ARSK: variants seen among roughly 807,000 people sequenced by gnomAD.
ARSK encodes the protein arylsulfatase K.
A neutral mutation model predicts 53.2 loss-of-function variants in ARSK; 37 were observed. The observed-to-expected ratio is 0.70, with a 90% CI of 0.54 to 0.92. The LOEUF (loss-of-function observed/expected upper bound fraction) is 0.92. Among genes scored for constraint, ARSK ranks in the 40% least tolerant of loss-of-function variants. ARSK has a pLI of 0.00. For missense variants in ARSK, 613 were observed against 643.0 expected (o/e 0.95, Z 0.51); for synonymous variants, 208 against 223.2 (o/e 0.93, Z 0.61).
Position 95,603,233 on chromosome 5 carries a change from TCAGATC to T in ARSK, c.1322-3_1324del. 6.5e-7 allele frequency: 1 copy of T among 1,545,794 alleles called. No homozygotes were observed. The highest frequency in any genetic ancestry group is 1.4e-5 in the African/African-American group (1 of 72,234). On this transcript the variant is annotated splice_acceptor_variant and splice_polypyrimidine_tract_variant and coding_sequence_variant and intron_variant, in exon 8 of 8. Coordinates refer to ENST00000380009, the MANE Select transcript of ARSK (RefSeq NM_198150.3). LOFTEE classifies it high-confidence loss of function. ...TTGACAGATACTTATTTTTTTTCTT[TCAGATC>T]TTTCCTCGGATCCAGATGAATTAAC...
intron 6 of ARSK, among the ~76,000 whole-genome samples, chr5:95,596,107 C>T (rs1749303640): frequency 6.6e-6 from 1 of 152,140 alleles, no homozygotes; most frequent in South Asian, 2.1e-4. Flanking sequence ...TGATGGTCTA[C>T]GTTTAATCTG....
chr5:95,570,504 C>A (rs1748808328), intron 3 of ARSK, among the ~76,000 whole-genome samples: 1 of 152,172 alleles, frequency 6.6e-6, no homozygotes, highest in Non-Finnish European at 1.5e-5. Context: ...TAACCTTGGG[C>A]AAGTTACTTG....
In ARSK at chr5:95,587,743, C is replaced by T. The variant is rs1749145883; in HGVS notation, c.871+1010C>T. On this transcript the variant is annotated intron_variant, in intron 5 of 7. Transcript: ENST00000380009. ...CCAACATGGCGAAACCCTGTCTCTA[C>T]TAAAATACAAAATTTAGCCGGGTGT... Among the ~76,000 whole-genome samples the T allele has an allele frequency of 2.0e-5, 3 of 152,116 alleles. No individual in the cohort carries two copies. In the South Asian group the frequency reaches 6.2e-4, roughly 32 times the overall value.
At position 95,586,625 on chromosome 5, in the gene ARSK, T is replaced by C; in HGVS notation, c.763T>C (p.Tyr255His). The change falls in exon 5 of 8, where the codon TAT (tyrosine) becomes CAT (histidine). Residue 255 changes from tyrosine (Y) to histidine (H), a missense_variant. Tyr to His is a moderately conservative substitution (Grantham distance 83). Coordinates refer to ENST00000380009, the MANE Select transcript of ARSK (RefSeq NM_198150.3). The stretch of plus-strand genomic sequence containing the variant: ...TTTGTCAGAAATGCACCCTGTAGAT[T>C]ATTACTCTTCTTATACAAAAAACTG... ...SPLSEMHPVD[Y>H]YSSYTKNCTG... 1.2e-6 allele frequency: 2 copies of C among 1,612,438 alleles called. No homozygotes were observed. Among genetic ancestry groups the C allele is most frequent in the Non-Finnish European group, 1.7e-6 (2 of 1,179,124 alleles).
intron 2 of ARSK, among the ~76,000 whole-genome samples, chr5:95,567,607 C>A (rs1170778953): frequency 2.0e-5 from 3 of 152,152 alleles, no homozygotes; most frequent in African/African-American, 7.2e-5. Flanking sequence ...GGCCTCTAGT[C>A]ACACATGCTT....
rs533404627 is a variant in ARSK at position 95,589,691 on chromosome 5, G to A, written c.872-1710G>A. Among the ~76,000 whole-genome samples, 579 of 152,308 alleles carry A rather than the reference G, an allele frequency of 3.8e-3. 2 individuals are homozygous for A. Among genetic ancestry groups the A allele is most frequent in the Non-Finnish European group, 4.1e-3 (277 of 68,020 alleles). ...TCCAGTCTATTGTTGGTGGGCATTTGTGTTGATTCCATGTCTTTGCTATTG... is the reference window on the plus strand; with the variant it reads ...TCCAGTCTATTGTTGGTGGGCATTTATGTTGATTCCATGTCTTTGCTATTG... On this transcript the variant is annotated intron_variant, in intron 5 of 7. Transcript: ENST00000380009.
In ARSK at chr5:95,604,306, A is replaced by G. The variant is rs1749463659; in HGVS notation, c.*780A>G. On this transcript the variant is annotated 3_prime_UTR_variant, in exon 8 of 8. Transcript: ENST00000380009. ...ACTGTTTTATTTTAATAGGTAATATATATACAGGGTAAAAGCTTCAAATGG... is the reference window on the plus strand; with the variant it reads ...ACTGTTTTATTTTAATAGGTAATATGTATACAGGGTAAAAGCTTCAAATGG... 6.6e-6 allele frequency: 1 copy of G among 152,182 alleles called. No homozygotes were observed. The highest frequency in any genetic ancestry group is 1.5e-5 in the Non-Finnish European group (1 of 68,032). 9.4% of individuals were successfully genotyped at this position (152,182 alleles called of 1,614,324 possible).
At position 95,555,413 on chromosome 5, in the gene ARSK, C is replaced by T; in HGVS notation, c.126+9C>T. On this transcript the variant is annotated intron_variant, in intron 1 of 7. Coordinates refer to ENST00000380009, the MANE Select transcript of ARSK (RefSeq NM_198150.3). The surrounding 1 kb of genome is among the most constrained non-coding windows in gnomAD (Gnocchi z 4.0). ...TCGTGAGCGACTCCTTCGTAAGTAC[C>T]GCGAGGCAGGGGAGGGGCGCCCCGC... 6.3e-7 allele frequency: 1 copy of T among 1,597,074 alleles called. No individual in the cohort carries two copies.
At chr5:95,588,675 CATT>C (rs1305089907) in intron 5 of ARSK, among the ~76,000 whole-genome samples, 1 of 151,458 alleles carries the variant, frequency 6.6e-6, no homozygotes, top group South Asian at 2.1e-4. Context: ...AGAAATCACT[CATT>C]AATTAAAGAC....
chr5:95,580,031 A>C (rs529190885), intron 3 of ARSK, among the ~76,000 whole-genome samples: 3 of 152,188 alleles, frequency 2.0e-5, no homozygotes, highest in Non-Finnish European at 4.4e-5. Flanking sequence ...CCTGTACTAC[A>C]CTTTGAGAGA....
chr5:95,568,013 G>A lies in ARSK; in HGVS notation c.380G>A (p.Gly127Glu). 6.2e-7 allele frequency: 1 copy of A among 1,613,596 alleles called. No individual in the cohort carries two copies. The highest frequency in any genetic ancestry group is 8.5e-7 in the Non-Finnish European group (1 of 1,179,734). ...CATGGCTACCGAACACAGAAATTTG[G>A]GAAACTGGACTATACTTCAGGACAT... ...ERHGYRTQKF[G>E]KLDYTSGHHS... Residue 127 changes from glycine to glutamate, a missense_variant, in exon 3 of 8, where the codon GGG becomes GAG. Gly to Glu is a moderately conservative substitution (Grantham distance 98). Coordinates refer to ENST00000380009, the MANE Select transcript of ARSK (RefSeq NM_198150.3).
At chr5:95,589,039 T>C (rs558061779) in intron 5 of ARSK, among the ~76,000 whole-genome samples, 1 of 152,186 alleles carries the variant, frequency 6.6e-6, no homozygotes, top group Non-Finnish European at 1.5e-5. Context: ...TTGTTTCATC[T>C]GCCTGGAACA....
At chr5:95,586,835 A>T in intron 5 of ARSK, 102 bp downstream of exon 5, 2 of 1,003,826 alleles carry the variant, frequency 2.0e-6, no homozygotes, top group Non-Finnish European at 2.8e-6. Flanking sequence ...AAAGTTGCTT[A>T]TAACTATAGG....
chr5:95,598,479 T>A (rs1026374857), intron 6 of ARSK, among the ~76,000 whole-genome samples: 4 of 152,178 alleles, frequency 2.6e-5, no homozygotes, highest in Non-Finnish European at 1.5e-5. Flanking sequence ...TTTATCAATT[T>A]ACAAAGGTAT....
intron 3 of ARSK, among the ~76,000 whole-genome samples, chr5:95,580,310 G>T (rs1749000689): frequency 6.6e-6 from 1 of 152,130 alleles, no homozygotes; most frequent in African/African-American, 2.4e-5. Flanking sequence ...TTTGGAAAAA[G>T]TTATAGCAAT....
intron 3 of ARSK, among the ~76,000 whole-genome samples, chr5:95,571,897 ATG>A (rs1748837986): frequency 6.6e-6 from 1 of 152,332 alleles, no homozygotes; most frequent in Middle Eastern, 3.4e-3. Context: ...AGAACAAAAC[ATG>A]GTCTCTCAAA....
Position 95,604,514 on chromosome 5 carries a change from ATT to A in ARSK, c.*989_*990del, listed in dbSNP as rs1454594006. 6.6e-6 allele frequency: 1 copy of A among 151,888 alleles called. No homozygotes were observed. The highest frequency in any genetic ancestry group is 1.5e-5 in the Non-Finnish European group (1 of 67,980). 9.4% of individuals were successfully genotyped at this position (151,888 alleles called of 1,614,324 possible). A position where few individuals can be genotyped will look rare whatever the true frequency, so the allele number is the denominator to read the frequency against. On this transcript the variant is annotated 3_prime_UTR_variant, in exon 8 of 8. Transcript: ENST00000380009. ...ACACAAACGGTAACATACTGCACAC[ATT>A]GTTCTGCATGTTGCTTCTTTTTCCT...
intron 4 of ARSK, among the ~76,000 whole-genome samples, chr5:95,584,134 T>A (rs1749068290): frequency 6.6e-6 from 1 of 152,226 alleles, no homozygotes; most frequent in African/African-American, 2.4e-5. Flanking sequence ...TGCATGTTCA[T>A]CTTTGTTGAC....
At chr5:95,568,214 C>T (rs532632942) in intron 3 of ARSK, among the ~76,000 whole-genome samples, 165 bp downstream of exon 3, 31 of 152,240 alleles carry the variant, frequency 2.0e-4, no homozygotes, top group African/African-American at 6.7e-4. Flanking sequence ...TTTCATCTTC[C>T]TAAAACATTA....
Sources: gnomAD v4.1 joint callset for allele counts (sites outside exome capture counted in the v4.1 genomes callset) on GRCh38, gnomAD v4.1.1 for gene constraint, Gnocchi (gnomAD v3.1) non-coding constraint, MANE v1.5 for transcripts, NCBI Gene and HGNC (gene_info 2026-07-23, HGNC 2026-07-21) for gene names.